SERINC5: variants seen among roughly 807,000 people sequenced by gnomAD.
SERINC5 encodes the protein chromosome 5 open reading frame 12.
In SERINC5, 41 loss-of-function variants were observed where a neutral mutation model predicts 63.1. The observed-to-expected ratio is 0.65, with a 90% CI of 0.51 to 0.84. SERINC5 has a LOEUF of 0.84. Among genes scored for constraint, SERINC5 ranks in the 40% least tolerant of loss-of-function variants. SERINC5 has a pLI of 0.00. For missense variants in SERINC5, 523 were observed against 573.0 expected (o/e 0.91, Z 0.89); for synonymous variants, 222 against 215.2 (o/e 1.03, Z -0.28).
At chr5:80,245,613 T>A (rs1241812618) in intron 1 of SERINC5, among the ~76,000 whole-genome samples, 1 of 142,350 alleles carries the variant, frequency 7.0e-6, no homozygotes, top group East Asian at 1.9e-4. Flanking sequence ...ATATTTATTT[T>A]TTTTTATTTT....
At chr5:80,208,998 C>T (rs746739669) in intron 1 of SERINC5, among the ~76,000 whole-genome samples, 2 of 152,190 alleles carry the variant, frequency 1.3e-5, no homozygotes, top group Non-Finnish European at 2.9e-5. Context: ...AGACCAGGCG[C>T]GGTGGATCAC....
chr5:80,199,696 T>C (rs1749712811), intron 2 of SERINC5, among the ~76,000 whole-genome samples: 1 of 152,212 alleles, frequency 6.6e-6, no homozygotes, highest in South Asian at 2.1e-4. Context: ...CTCAATAAAT[T>C]CACCACTGTG....
chr5:80,122,273 A>G (rs1744579880), intron 11 of SERINC5, among the ~76,000 whole-genome samples: 5 of 151,436 alleles, frequency 3.3e-5, no homozygotes, highest in Admixed American at 3.3e-4. Flanking sequence ...GGCCATCTGC[A>G]GGCCGATCTG....
intron 11 of SERINC5, among the ~76,000 whole-genome samples, chr5:80,130,698 TAA>T (rs1419660358): frequency 2.0e-5 from 3 of 152,220 alleles, no homozygotes; most frequent in African/African-American, 7.2e-5. Context: ...AATTGGCATT[TAA>T]AAGTCCTTCA....
intron 8 of SERINC5, among the ~76,000 whole-genome samples, chr5:80,155,284 G>C (rs1196298500): frequency 1.3e-5 from 2 of 152,176 alleles, no homozygotes; most frequent in Non-Finnish European, 2.9e-5. Context: ...AGCCATCAGG[G>C]CTGGCCATGG....
chr5:80,236,439 C>T (rs190369902), intron 1 of SERINC5, among the ~76,000 whole-genome samples: 43 of 152,250 alleles, frequency 2.8e-4, no homozygotes, highest in Admixed American at 8.5e-4. Context: ...AAAATCCACA[C>T]CAAAAATATG....
At chr5:80,190,350 G>A (rs1164257759) in intron 2 of SERINC5, among the ~76,000 whole-genome samples, 2 of 152,038 alleles carry the variant, frequency 1.3e-5, no homozygotes, top group Non-Finnish European at 2.9e-5. Context: ...TGGCTCAAGT[G>A]ATCCTCCCAT....
At chr5:80,162,862 G>A (rs1186825850) in intron 7 of SERINC5, among the ~76,000 whole-genome samples, 10 of 149,914 alleles carry the variant, frequency 6.7e-5, no homozygotes, top group Admixed American at 2.6e-4. Flanking sequence ...TTTTTGAGGC[G>A]GAGTTTCACT....
At chr5:80,237,680 T>TAATGAAAGGCAAATGA (rs1201964502) in intron 1 of SERINC5, among the ~76,000 whole-genome samples, 12 of 151,118 alleles carry the variant, frequency 7.9e-5, no homozygotes, top group African/African-American at 2.7e-4. Flanking sequence ...AAGCAATCCA[T>TAATGAAAGGCAAATGA]AATGAAAGGC....
chr5:80,171,417 G>C (rs1045782791), intron 5 of SERINC5, among the ~76,000 whole-genome samples: 17 of 152,188 alleles, frequency 1.1e-4, no homozygotes, highest in African/African-American at 3.6e-4. Context: ...TTTACTAAGA[G>C]CCATACTGGC....
At position 80,139,492 on chromosome 5, in the gene SERINC5, T is replaced by C. The variant is rs139019762; in HGVS notation, c.*4171A>G. On this transcript the variant is annotated 3_prime_UTR_variant, in exon 12 of 12. Coordinates refer to ENST00000507668, the MANE Select transcript of SERINC5 (RefSeq NM_001174072.3). ...CTGCCCTTCCCCATTTGTTTCTTTC[T>C]GAAAGGATTTTGCTTAAGGAAAAAA... 1,558 of 985,262 alleles carry C rather than the reference T, an allele frequency of 1.6e-3. 17 individuals carry two copies. The African/African-American group carries it at 0.024, about 15-fold the overall frequency. The allele number at this position is 985,262 out of a possible 1,614,324, so 61.0% of individuals were successfully genotyped here. A position where few individuals can be genotyped will look rare whatever the true frequency, so the allele number is the denominator to read the frequency against.
At chr5:80,200,226 C>T (rs971058439) in intron 2 of SERINC5, among the ~76,000 whole-genome samples, 8 of 152,170 alleles carry the variant, frequency 5.3e-5, no homozygotes, top group Admixed American at 3.9e-4. Flanking sequence ...GCCTGTAATC[C>T]CAGCACTTTG....
chr5:80,180,220 G>A (rs2112425130), intron 2 of SERINC5, among the ~76,000 whole-genome samples: 1 of 152,238 alleles, frequency 6.6e-6, no homozygotes, highest in South Asian at 2.1e-4. Flanking sequence ...CACATTCCTA[G>A]TAATGTCATA....
chr5:80,255,574 T>A (rs1037608869), intron 1 of SERINC5, among the ~76,000 whole-genome samples: 1 of 152,204 alleles, frequency 6.6e-6, no homozygotes, highest in African/African-American at 2.4e-5. Flanking sequence ...TATTCACCAG[T>A]GCTCGGCGCA....
chr5:80,170,480 G>A (rs957294628), intron 5 of SERINC5, among the ~76,000 whole-genome samples: 2 of 152,166 alleles, frequency 1.3e-5, no homozygotes, highest in African/African-American at 2.4e-5. Flanking sequence ...ATGGGCAGGT[G>A]GGGGGAGACA....
intron 1 of SERINC5, among the ~76,000 whole-genome samples, chr5:80,239,791 A>G (rs1751868977): frequency 1.3e-5 from 2 of 152,136 alleles, no homozygotes; most frequent in African/African-American, 4.8e-5. Flanking sequence ...GATCTCCCTA[A>G]GGGTGAAGTA....
intron 1 of SERINC5, among the ~76,000 whole-genome samples, chr5:80,243,107 G>A (rs969969611): frequency 6.6e-6 from 1 of 152,216 alleles, no homozygotes; most frequent in African/African-American, 2.4e-5. Flanking sequence ...GCAGGACCTA[G>A]AGAGAACCCC....
rs770767976 is a variant in SERINC5 at position 80,169,318 on chromosome 5, GA to G, written c.763+16del. The G allele has an allele frequency of 2.1e-5, 34 of 1,605,292 alleles. 1 individual carries two copies. The South Asian group carries it at 3.4e-4, about 16-fold the overall frequency. Reference sequence around the variant, plus strand: ...AGGAAAATATAAGTAACGAAGAATGGAAAAAAACATGCTTACGATTTTGGAC... The same window carrying G: ...AGGAAAATATAAGTAACGAAGAATGGAAAAAACATGCTTACGATTTTGGAC... On this transcript the variant is annotated intron_variant, in intron 6 of 11. Transcript: ENST00000507668.
At position 80,143,735 on chromosome 5, in the gene SERINC5, C is replaced by T. The variant is rs747617534; in HGVS notation, c.1314G>A (p.Trp438Ter). 4 of 1,536,130 alleles carry T rather than the reference C, an allele frequency of 2.6e-6. No homozygotes were observed. In the South Asian group the frequency reaches 4.8e-5, roughly 18 times the overall value. Residue 438 changes from tryptophan (W) to a stop codon, truncating the protein, a stop_gained, in exon 12 of 12, where the codon TGG becomes TGA. Transcript: ENST00000507668. LOFTEE classifies it high-confidence loss of function. Reference protein sequence around the residue: ...SIFWVKMASCWICVLLYLCTL... With the variant: ...SIFWVKMASC ...TACACAGGTACAACAGCACGCATAT[C>T]CAGCAGGAGGCCATCTTGACCCAGA...
Sources: allele counts gnomAD v4.1 joint callset (sites outside exome capture counted in the v4.1 genomes callset), GRCh38; gene constraint gnomAD v4.1.1; transcripts MANE v1.5; gene names NCBI Gene and HGNC (gene_info 2026-07-23, HGNC 2026-07-21).